The following RADX variants were observed in gnomAD, a reference collection of about 807,000 sequenced individuals.
RADX encodes RPA-related protein RADX.
In RADX, 36 loss-of-function variants were observed where a neutral mutation model predicts 61.6. The observed-to-expected ratio is 0.58, with a 90% confidence interval of 0.45 to 0.77. The LOEUF (loss-of-function observed/expected upper bound fraction) is 0.77. Among genes scored for constraint, RADX ranks in the 30% least tolerant of loss-of-function variants. The pLI is 0.00. For missense variants in RADX, 497 were observed against 651.1 expected (o/e 0.76, Z 2.58); for synonymous variants, 272 against 237.9 (o/e 1.14, Z -1.32).
intron 3 of RADX, among the ~76,000 whole-genome samples, chrX:106,630,597 C>G (rs1372146799): frequency 9.0e-6 from 1 of 110,999 alleles, no homozygotes. Flanking sequence ...AAATTTTATA[C>G]AGAGAAAAAA....
chrX:106,645,828 T>C (rs756499972), intron 10 of RADX, among the ~76,000 whole-genome samples: 75 of 111,485 alleles, frequency 6.7e-4, no homozygotes, highest in Non-Finnish European at 1.3e-3. Context: ...CTAGAAGATT[T>C]GTCCAGTGCT....
At chrX:106,633,520 A>C (rs781067125) in intron 6 of RADX, among the ~76,000 whole-genome samples, 1 of 111,917 alleles carries the variant, frequency 8.9e-6, no homozygotes, top group African/African-American at 3.2e-5. Context: ...AATTCCACGC[A>C]TTAAAAAAAT....
At chrX:106,661,889 G>A (rs1056606332) in intron 11 of RADX, 126 bp from the exon 12 acceptor site, 18 of 481,877 alleles carry the variant, frequency 3.7e-5, no homozygotes, top group Non-Finnish European at 5.3e-5. Context: ...TATTTTGTAG[G>A]TAGTGGTTTG....
At chrX:106,637,731 T>A (rs750084271) in intron 7 of RADX, 29 bp from the exon 8 acceptor site, 4 of 1,109,220 alleles carry the variant, frequency 3.6e-6, no homozygotes, top group Non-Finnish European at 4.8e-6. Context: ...TATTTCTCAT[T>A]TTTTATGATT....
chrX:106,649,568 G>A (rs1345817568), intron 11 of RADX, among the ~76,000 whole-genome samples: 2 of 111,721 alleles, frequency 1.8e-5, no homozygotes, highest in African/African-American at 3.2e-5. Flanking sequence ...CATTTATTGA[G>A]CATTTATGTG....
intron 12 of RADX, among the ~76,000 whole-genome samples, chrX:106,667,069 A>G (rs1172493174): frequency 8.9e-6 from 1 of 112,166 alleles, no homozygotes; most frequent in Non-Finnish European, 1.9e-5. Flanking sequence ...ACCCTGCCCT[A>G]TGAGAGCTTG....
At chrX:106,633,379 G>A (rs1927282482) in intron 6 of RADX, 127 bp downstream of exon 6, 2 of 508,633 alleles carry the variant, frequency 3.9e-6, no homozygotes, top group East Asian at 3.8e-5. Context: ...CTGACAGCAT[G>A]TTTAAATCTT....
At chrX:106,668,436 C>G (rs772506239) in intron 12 of RADX, among the ~76,000 whole-genome samples, 5 of 112,167 alleles carry the variant, frequency 4.5e-5, no homozygotes, top group Non-Finnish European at 9.4e-5. Context: ...GTCTTTTACT[C>G]TGGTCTACAC....
chrX:106,647,031 T>G (rs761505029), intron 10 of RADX, among the ~76,000 whole-genome samples: 8 of 110,494 alleles, frequency 7.2e-5, no homozygotes, highest in African/African-American at 2.6e-4. Flanking sequence ...TACAGTGAAG[T>G]TATTATGGAC....
At chrX:106,640,373 TA>T (rs967861669) in intron 9 of RADX, 178 bp from the exon 10 acceptor site, 12 of 338,321 alleles carry the variant, frequency 3.5e-5, no homozygotes, top group Middle Eastern at 8.2e-4. Flanking sequence ...GTCTTCCTTT[TA>T]AAAAATATTT....
At chrX:106,631,385 C>T (rs920806530) in intron 3 of RADX, among the ~76,000 whole-genome samples, 2 of 110,880 alleles carry the variant, frequency 1.8e-5, no homozygotes, top group African/African-American at 3.3e-5. Flanking sequence ...AGGATCACAA[C>T]AAATTGTCAT....
chrX:106,625,060 T>C (rs780252092), intron 2 of RADX, 30 bp from the exon 3 acceptor site: 1 of 1,056,859 alleles, frequency 9.5e-7, no homozygotes, highest in South Asian at 2.6e-5. Flanking sequence ...GTGACAAATA[T>C]GTATGTGCTT....
chrX:106,633,126 A>G lies in RADX; in HGVS notation c.1181-4A>G, dbSNP rs776021544. On this transcript the variant is annotated splice_polypyrimidine_tract_variant and splice_region_variant and intron_variant, in intron 5 of 13. Transcript: ENST00000372548. ...TCATTTATTTTAATATTCTATCCAT[A>G]TAGAAAACCGTGAAGATTTTTGGTC... 1 of 1,200,713 alleles carries G rather than the reference A, an allele frequency of 8.3e-7. No individual in the cohort carries two copies. Among genetic ancestry groups the G allele is most frequent in the East Asian group, 3.0e-5 (1 of 33,762 alleles).
At chrX:106,636,921 A>G (rs1927372861) in intron 7 of RADX, among the ~76,000 whole-genome samples, 2 of 111,628 alleles carry the variant, frequency 1.8e-5, no homozygotes, top group African/African-American at 6.5e-5. Context: ...CATAGAATGT[A>G]GATAATCATA....
At chrX:106,665,509 A>G (rs897554823) in intron 12 of RADX, among the ~76,000 whole-genome samples, 3 of 111,062 alleles carry the variant, frequency 2.7e-5, no homozygotes, top group African/African-American at 9.8e-5. Context: ...TGGAATGTAC[A>G]AAACCAGGGG....
intron 1 of RADX, among the ~76,000 whole-genome samples, chrX:106,620,448 G>A (rs1277234007): frequency 1.8e-5 from 2 of 110,774 alleles, no homozygotes; most frequent in East Asian, 5.6e-4. Flanking sequence ...TGAGGCAGGC[G>A]GATCACTTGA....
chrX:106,654,386 A>AT (rs1013575172), intron 11 of RADX, among the ~76,000 whole-genome samples: 1 of 110,153 alleles, frequency 9.1e-6, no homozygotes, highest in Admixed American at 9.7e-5. Context: ...GGGGTTGTTT[A>AT]TTTTTTTCTT....
At chrX:106,643,523 G>A (rs1185714381) in intron 10 of RADX, among the ~76,000 whole-genome samples, 2 of 111,007 alleles carry the variant, frequency 1.8e-5, no homozygotes, top group Non-Finnish European at 3.8e-5. Flanking sequence ...AAGAGATAGG[G>A]GTATAGTTTC....
intron 10 of RADX, among the ~76,000 whole-genome samples, chrX:106,645,962 G>A (rs1324604573): frequency 9.1e-6 from 1 of 110,428 alleles, no homozygotes; most frequent in Non-Finnish European, 1.9e-5. Context: ...ATTTAAAATT[G>A]TTATATTGTC....
Sources: gnomAD v4.1 joint callset for allele counts (sites outside exome capture counted in the v4.1 genomes callset) on GRCh38, gnomAD v4.1.1 for gene constraint, MANE v1.5 for transcripts, NCBI Gene and HGNC (gene_info 2026-07-23, HGNC 2026-07-21) for gene names.